The following HEG1 variants were observed in gnomAD, a reference collection of about 807,000 sequenced individuals.
HEG1 encodes the protein heart development protein with EGF like domains 1, also known as protein HEG homolog 1.
Under a neutral mutation model 125.6 loss-of-function variants are expected in HEG1, and 56 were observed. That is an observed-to-expected ratio of 0.45 (90% CI 0.36 to 0.56). HEG1 has a LOEUF of 0.56. Ranked by LOEUF, HEG1 falls within the 20% of genes least tolerant of loss-of-function variation. The pLI, the probability that HEG1 is intolerant of heterozygous loss-of-function variation, is 0.00. For missense variants in HEG1, 1,523 were observed against 1,670.0 expected, an observed-to-expected ratio of 0.91 and a Z score of 1.53; for synonymous variants, 644 against 668.5, an observed-to-expected ratio of 0.96 and a Z score of 0.57.
intron 3 of HEG1, among the ~76,000 whole-genome samples, chr3:125,025,105 A>G (rs993420965): frequency 1.2e-4 from 19 of 152,196 alleles, no homozygotes; most frequent in African/African-American, 3.9e-4. Flanking sequence ...CTGAGTGCCT[A>G]GAGCTCCTGT....
In HEG1 at chr3:125,021,043, A is replaced by G. The variant is rs2107704120; in HGVS notation, c.1001T>C (p.Val334Ala). The change falls in exon 4 of 17, where the codon GTG (valine) becomes GCG (alanine). Residue 334 changes from valine (V) to alanine (A), a missense_variant. By Grantham distance (64) the Val-to-Ala change is moderately conservative (BLOSUM62 0). Transcript: ENST00000311127. Reference sequence around the variant, plus strand: ...CGTTCTCGGGCCACCATCAGTGAACACGGTGGCAACATGCATTGTCTTTGT... The same window carrying G: ...CGTTCTCGGGCCACCATCAGTGAACGCGGTGGCAACATGCATTGTCTTTGT... ...SQTKTMHVAT[V>A]FTDGGPRTLR... The G allele has an allele frequency of 6.2e-7, 1 of 1,611,708 alleles. No individual in the cohort carries two copies. The highest frequency in any genetic ancestry group is 8.5e-7 in the Non-Finnish European group (1 of 1,178,866).
Position 124,967,260 on chromosome 3 carries a change from G to A in HEG1, c.*3392C>T, listed in dbSNP as rs1936332610. ...TGGCCTTACCACGGGAACAAGGCAAGCAGCTCTCAGATGGATGTGTATGTC... is the reference window on the plus strand; with the variant it reads ...TGGCCTTACCACGGGAACAAGGCAAACAGCTCTCAGATGGATGTGTATGTC... On this transcript the variant is annotated 3_prime_UTR_variant, in exon 17 of 17. Coordinates refer to ENST00000311127, the MANE Select transcript of HEG1 (RefSeq NM_020733.2). The A allele has an allele frequency of 6.6e-6, 1 of 152,190 alleles. No individual in the cohort carries two copies. The highest frequency in any genetic ancestry group is 2.4e-5 in the African/African-American group (1 of 41,452). The allele number at this position is 152,190 out of a possible 1,614,324, so 9.4% of individuals were successfully genotyped here.
In HEG1 at chr3:125,027,340, G is replaced by C. The variant is rs1390759732; in HGVS notation, c.778C>G (p.Pro260Ala). The C allele has an allele frequency of 3.7e-6, 6 of 1,613,852 alleles. No individual in the cohort carries two copies. Among genetic ancestry groups the C allele is most frequent in the Non-Finnish European group, 5.1e-6 (6 of 1,179,906 alleles). ...ATCTCCAAAGCAGGAAGAAAGGACG[G>C]GCTCCAAGCCGAAGTGGTGGCCTCT... ...SQEATTSAWS[P>A]SFLPALEMGE... The change falls in exon 3 of 17, where the codon CCG (proline) becomes GCG (alanine). Residue 260 changes from proline to alanine, a missense_variant. Coordinates refer to ENST00000311127, the MANE Select transcript of HEG1 (RefSeq NM_020733.2).
intron 14 of HEG1, among the ~76,000 whole-genome samples, chr3:124,978,845 A>AT (rs1553775495): frequency 2.6e-4 from 39 of 150,174 alleles, no homozygotes; most frequent in Admixed American, 4.6e-4. Flanking sequence ...AAATAAATAA[A>AT]AAAGTAATGG....
chr3:125,018,598 C>T (rs1222007346), intron 5 of HEG1, among the ~76,000 whole-genome samples: 2 of 152,166 alleles, frequency 1.3e-5, no homozygotes, highest in Non-Finnish European at 2.9e-5. Context: ...CAACTACTAA[C>T]GAGAAGGTGA....
Position 125,013,582 on chromosome 3 carries a change from G to A in HEG1, c.1997C>T (p.Ser666Phe), listed in dbSNP as rs113838848. The A allele has an allele frequency of 2.6e-3, 4,174 of 1,594,184 alleles. 89 individuals are homozygous for A. The African/African-American group carries it at 0.047, about 18-fold the overall frequency. ...AGGCCCTGAAGAAGAAGAAGAGGAG[G>A]AGGAGGAAGAGGAGGAGGAGGAGTC... Reference protein sequence around the residue: ...VSDSSSSSSSSSSSSSSGPPL... With the variant: ...VSDSSSSSSSFSSSSSSGPPL... The change falls in exon 6 of 17, where the codon TCC becomes TTC. Residue 666 changes from serine (S) to phenylalanine (F), a missense_variant. By Grantham distance (155) the Ser-to-Phe change is radical (BLOSUM62 -2). Transcript: ENST00000311127.
intron 14 of HEG1, among the ~76,000 whole-genome samples, chr3:124,988,832 G>A (rs1045530484): frequency 4.6e-5 from 7 of 152,170 alleles, no homozygotes; most frequent in African/African-American, 7.2e-5. Context: ...CAAGAAAATC[G>A]CTTGAACCCA....
Position 124,997,682 on chromosome 3 carries a change from T to C in HEG1, c.3652+7A>G. 1 of 1,564,518 alleles carries C rather than the reference T, an allele frequency of 6.4e-7. No homozygotes were observed. The highest frequency in any genetic ancestry group is 1.2e-5 in the South Asian group (1 of 82,732). ...GGGCACAGAACCCCAGGCGAAGCTG[T>C]GGCTACCTCGGCAGGAGTGGTCCAT... is the stretch of plus-strand genomic sequence containing the variant. On this transcript the variant is annotated splice_region_variant and intron_variant, in intron 12 of 16. Coordinates refer to ENST00000311127, the MANE Select transcript of HEG1 (RefSeq NM_020733.2).
rs1937179821 is a variant in HEG1, at chr3:125,012,992, T to C, written c.2587A>G (p.Thr863Ala). 5 of 1,613,922 alleles carry C rather than the reference T, an allele frequency of 3.1e-6. No individual in the cohort carries two copies. In the East Asian group the frequency reaches 8.9e-5, roughly 29 times the overall value. ...ATAGGGCCAGTGACCAGAGATGCTG[T>C]GCTTGACAGGGTGCCAGGAGTGGTC... ...LMTTPGTLSS[T>A]ASLVTGPIAV... The change falls in exon 6 of 17, where the codon ACA (threonine) becomes GCA (alanine). Residue 863 changes from threonine to alanine, a missense_variant. Coordinates refer to ENST00000311127, the MANE Select transcript of HEG1 (RefSeq NM_020733.2).
chr3:125,019,287 TGAATTCAAGCTTTCCGAG>T lies in HEG1; in HGVS notation c.1545_1562del (p.Glu517_Ser522del). 6.2e-7 allele frequency: 1 copy of T among 1,611,618 alleles called. No individual in the cohort carries two copies. The highest frequency in any genetic ancestry group is 8.5e-7 in the Non-Finnish European group (1 of 1,177,792). On this transcript the variant is annotated inframe_deletion, in exon 5 of 17. Transcript: ENST00000311127. ...TCGAACGTTCTCCACGTGGTGCTGA[TGAATTCAAGCTTTCCGAG>T]GAAGATGTAGATGAAGACTCTGAAT...
Position 125,013,433 on chromosome 3 carries a change from G to A in HEG1, c.2146C>T (p.Pro716Ser). Reference protein sequence around the residue: ...SDASTPWSSSPSPLPVSLTTS... With the variant: ...SDASTPWSSSSSPLPVSLTTS... ...GTTAAGGATACTGGTAAAGGTGATGGTGAGGAAGACCATGGTGTGGATGCA... is the reference window on the plus strand; with the variant it reads ...GTTAAGGATACTGGTAAAGGTGATGATGAGGAAGACCATGGTGTGGATGCA... The change falls in exon 6 of 17, where the codon CCA becomes TCA. Residue 716 changes from proline to serine, a missense_variant. By Grantham distance (74) the Pro-to-Ser change is moderately conservative. Transcript: ENST00000311127. The A allele has an allele frequency of 6.2e-7, 1 of 1,613,972 alleles. No individual in the cohort carries two copies. Among genetic ancestry groups the A allele is most frequent in the Non-Finnish European group, 8.5e-7 (1 of 1,179,858 alleles).
chr3:124,982,454 A>G (rs964375365), intron 14 of HEG1, among the ~76,000 whole-genome samples: 9 of 152,350 alleles, frequency 5.9e-5, no homozygotes, highest in Admixed American at 2.0e-4. Context: ...GGCTTGTCCT[A>G]TCCTTTTTAG....
intron 1 of HEG1, among the ~76,000 whole-genome samples, chr3:125,053,926 C>T (rs1937870464): frequency 6.6e-6 from 1 of 152,234 alleles, no homozygotes; most frequent in South Asian, 2.1e-4. Flanking sequence ...CATGTGCCTG[C>T]CCCATCCAGC....
chr3:125,025,191 G>A (rs1937399075), intron 3 of HEG1, among the ~76,000 whole-genome samples: 1 of 152,246 alleles, frequency 6.6e-6, no homozygotes, highest in African/African-American at 2.4e-5. Context: ...TGGGTTACCA[G>A]ATGCCAGCCC....
chr3:124,971,789 CT>C (rs10635471), intron 16 of HEG1, among the ~76,000 whole-genome samples: 152 of 128,414 alleles, frequency 1.2e-3, no homozygotes, highest in African/African-American at 1.6e-3. Context: ...TGCGCCCGGC[CT>C]TTTTTTTTTT....
chr3:125,035,380 A>T (rs1028916973), intron 1 of HEG1, among the ~76,000 whole-genome samples: 4 of 152,208 alleles, frequency 2.6e-5, no homozygotes, highest in Middle Eastern at 3.2e-3. Flanking sequence ...ACTGCACAAA[A>T]ACCACAGACT....
chr3:124,995,442 T>C (rs192623600), intron 12 of HEG1, among the ~76,000 whole-genome samples: 82 of 152,352 alleles, frequency 5.4e-4, no homozygotes, highest in African/African-American at 1.8e-3. Flanking sequence ...ACCAAGCACG[T>C]TGTGTGTGCA....
At position 125,013,975 on chromosome 3, in the gene HEG1, T is replaced by C. The variant is rs1269960826; in HGVS notation, c.1604A>G (p.Tyr535Cys). The change falls in exon 6 of 17, where the codon TAC (tyrosine) becomes TGC (cysteine). Residue 535 changes from tyrosine (Y) to cysteine (C), a missense_variant. Transcript: ENST00000311127. The part of the protein sequence containing the change: ...RGERSIAGIS[Y>C]GQVRGTAIEQ... ...AATAGCTGTGCCACGCACTTGACCG[T>C]AGCTAATCCCAGCGACTGTAAACGG... is the stretch of plus-strand genomic sequence containing the variant. The C allele has an allele frequency of 3.1e-6, 5 of 1,603,382 alleles. No individual in the cohort carries two copies. The highest frequency in any genetic ancestry group is 1.1e-5 in the South Asian group (1 of 89,402).
chr3:125,047,711 A>G (rs1270926145), intron 1 of HEG1, among the ~76,000 whole-genome samples: 1 of 152,174 alleles, frequency 6.6e-6, no homozygotes, highest in Non-Finnish European at 1.5e-5. Flanking sequence ...AGGAAAATGG[A>G]GTGGTTTTCA....
Sources: gnomAD v4.1 joint callset for allele counts (sites outside exome capture counted in the v4.1 genomes callset) on GRCh38, gnomAD v4.1.1 for gene constraint, MANE v1.5 for transcripts, NCBI Gene and HGNC (gene_info 2026-07-23, HGNC 2026-07-21) for gene names.